VIRMA: variants seen among roughly 807,000 people sequenced by gnomAD.
VIRMA encodes the protein protein virilizer homolog.
VIRMA carries 65 observed loss-of-function variants against 182.4 expected under a neutral mutation model. The ratio of observed to expected loss-of-function variants is 0.36; its 90% CI spans 0.29 to 0.44. The LOEUF (loss-of-function observed/expected upper bound fraction) is 0.44. VIRMA is among the 20% of genes least tolerant of loss of function. The pLI, the probability that VIRMA is intolerant of heterozygous loss-of-function variation, is 1.00. For synonymous variants in VIRMA, 709 were observed against 743.1 expected (o/e 0.95, Z 0.75); for missense variants, 1,752 against 2,158.1 (o/e 0.81, Z 3.73).
intron 5 of VIRMA, among the ~76,000 whole-genome samples, chr8:94,532,592 C>G (rs1815206926): frequency 6.6e-6 from 1 of 152,164 alleles, no homozygotes; most frequent in African/African-American, 2.4e-5. Context: ...GATGTTATCA[C>G]TGGGGGAGGC....
chr8:94,518,785 A>G (rs1814650416), intron 9 of VIRMA, among the ~76,000 whole-genome samples, 200 bp downstream of exon 9: 1 of 152,238 alleles, frequency 6.6e-6, no homozygotes, highest in Non-Finnish European at 1.5e-5. Context: ...AAGGTGCTAA[A>G]GAGTCCACTG....
At chr8:94,530,496 CAAAAAAA>C (rs35685716) in intron 6 of VIRMA, among the ~76,000 whole-genome samples, 3 of 79,078 alleles carry the variant, frequency 3.8e-5, no homozygotes, top group Non-Finnish European at 2.9e-5. Context: ...AAACCTGTCT[CAAAAAAA>C]AAAAAAAGAA....
At position 94,496,409 on chromosome 8, in the gene VIRMA, A is replaced by G. The variant is rs754427802; in HGVS notation, c.4302T>C (p.Asn1434=). The G allele has an allele frequency of 1.9e-6, 3 of 1,613,512 alleles. No homozygotes were observed. The highest frequency in any genetic ancestry group is 2.2e-5 in the East Asian group (1 of 44,862). Residue 1434 remains asparagine, a synonymous_variant, in exon 18 of 24, where the codon AAT becomes AAC. Coordinates refer to ENST00000297591, the MANE Select transcript of VIRMA (RefSeq NM_015496.5). ...GTAGAAGCTGTTTTAACTCTGCAGCATTAATACTCATCGTCCGTGATGTAT... is the reference window on the plus strand; with the variant it reads ...GTAGAAGCTGTTTTAACTCTGCAGCGTTAATACTCATCGTCCGTGATGTAT... ...GAHTSRTMSI[N]AAELKQLLQS...
chr8:94,506,905 T>C (rs1343996968), intron 15 of VIRMA, among the ~76,000 whole-genome samples, 188 bp from the exon 16 acceptor site: 1 of 152,184 alleles, frequency 6.6e-6, no homozygotes, highest in Non-Finnish European at 1.5e-5. Flanking sequence ...AAAAAGTTAA[T>C]ACAAGGATAC....
chr8:94,494,968 A>G lies in VIRMA; in HGVS notation c.4545-12T>C. 2 of 1,542,948 alleles carry G rather than the reference A, an allele frequency of 1.3e-6. No individual in the cohort carries two copies. Among genetic ancestry groups the G allele is most frequent in the Non-Finnish European group, 1.8e-6 (2 of 1,120,456 alleles). ...GCACATAGGCAGTCCTGGAACAAGA[A>G]AAGTATCTGGTGAAAAGCAGAATTC... On this transcript the variant is annotated splice_polypyrimidine_tract_variant and intron_variant, in intron 19 of 23. Coordinates refer to ENST00000297591, the MANE Select transcript of VIRMA (RefSeq NM_015496.5).
intron 2 of VIRMA, among the ~76,000 whole-genome samples, chr8:94,541,280 C>A (rs1815544484): frequency 6.6e-6 from 1 of 151,890 alleles, no homozygotes; most frequent in African/African-American, 2.4e-5. Flanking sequence ...AGCCACCACG[C>A]CCAACTAATT....
chr8:94,509,071 G>A (rs1170588157), intron 15 of VIRMA, among the ~76,000 whole-genome samples: 1 of 152,118 alleles, frequency 6.6e-6, no homozygotes, highest in Non-Finnish European at 1.5e-5. Context: ...CCCAACAAGA[G>A]AACATATTAA....
At chr8:94,495,053 C>G (rs926448013) in intron 19 of VIRMA, 97 bp from the exon 20 acceptor site, 6 of 792,754 alleles carry the variant, frequency 7.6e-6, no homozygotes, top group African/African-American at 1.7e-5. Context: ...CCAGCTGGAG[C>G]GCAGTGGCAC....
intron 9 of VIRMA, among the ~76,000 whole-genome samples, chr8:94,518,536 T>C (rs1042424676): frequency 6.6e-6 from 1 of 152,244 alleles, no homozygotes. Flanking sequence ...TAAAACCCTC[T>C]GCCTTACCAA....
chr8:94,506,299 T>C (rs1814151379), intron 16 of VIRMA, among the ~76,000 whole-genome samples: 2 of 152,244 alleles, frequency 1.3e-5, no homozygotes, highest in African/African-American at 2.4e-5. Context: ...CTATTCATTT[T>C]ATATCTTTAA....
intron 2 of VIRMA, among the ~76,000 whole-genome samples, chr8:94,540,651 G>A (rs1234217188): frequency 1.3e-5 from 2 of 151,680 alleles, no homozygotes; most frequent in South Asian, 2.1e-4. Context: ...TAGTAGAGGC[G>A]GGGTTTCACT....
At chr8:94,540,466 T>TC (rs56366716) in intron 2 of VIRMA, among the ~76,000 whole-genome samples, 20,943 of 143,444 alleles carry the variant, frequency 0.15, 1,876 homozygotes, top group South Asian at 0.29. Flanking sequence ...CTTTTCTTTT[T>TC]TTTTTTTTTT....
At chr8:94,548,654 A>T (rs1308657458) in intron 1 of VIRMA, among the ~76,000 whole-genome samples, 2 of 144,478 alleles carry the variant, frequency 1.4e-5, no homozygotes, top group Non-Finnish European at 1.5e-5. Context: ...ATATTTTTTT[A>T]TTATTTATTT....
intron 8 of VIRMA, among the ~76,000 whole-genome samples, chr8:94,524,326 A>G (rs1423633126): frequency 1.4e-5 from 2 of 144,384 alleles, no homozygotes; most frequent in Non-Finnish European, 3.0e-5. Flanking sequence ...TTGTTTGGAG[A>G]CAGAGTCTCA....
chr8:94,546,621 T>C (rs1328268038), intron 1 of VIRMA, among the ~76,000 whole-genome samples: 3 of 151,018 alleles, frequency 2.0e-5, no homozygotes, highest in Non-Finnish European at 4.4e-5. Flanking sequence ...CATGGATAAG[T>C]TCTTTAACGG....
At position 94,526,510 on chromosome 8, in the gene VIRMA, T is replaced by C; in HGVS notation, c.1734A>G (p.Ser578=). 1 of 1,613,172 alleles carries C rather than the reference T, an allele frequency of 6.2e-7. No homozygotes were observed. Among genetic ancestry groups the C allele is most frequent in the Non-Finnish European group, 8.5e-7 (1 of 1,179,774 alleles). ...RLGDHLAEKT[S]SLPNHSEPDH... ...CAGGTTCACTGTGGTTAGGAAGAGA[T>C]GAAGTCTTCTCTGCTAAATGGTCAC... Residue 578 remains serine, a synonymous_variant, in exon 8 of 24, where the codon TCA becomes TCG. Transcript: ENST00000297591.
intron 6 of VIRMA, among the ~76,000 whole-genome samples, chr8:94,530,348 T>G (rs1815123802): frequency 6.6e-6 from 1 of 151,794 alleles, no homozygotes; most frequent in Non-Finnish European, 1.5e-5. Flanking sequence ...CTATAAAAAA[T>G]TAGCCAGGCG....
intron 15 of VIRMA, among the ~76,000 whole-genome samples, chr8:94,508,646 G>A (rs1484255431): frequency 6.6e-6 from 1 of 151,286 alleles, no homozygotes; most frequent in Non-Finnish European, 1.5e-5. Flanking sequence ...TGAGGTACAA[G>A]GACTTAGAAT....
chr8:94,504,850 G>C (rs991882115), intron 16 of VIRMA, among the ~76,000 whole-genome samples: 2 of 152,112 alleles, frequency 1.3e-5, no homozygotes, highest in African/African-American at 4.8e-5. Flanking sequence ...AGAGAGATAA[G>C]GGCTAAAAGG....
Sources: gnomAD v4.1 joint callset for allele counts (sites outside exome capture counted in the v4.1 genomes callset) on GRCh38, gnomAD v4.1.1 for gene constraint, MANE v1.5 for transcripts, NCBI Gene and HGNC (gene_info 2026-07-23, HGNC 2026-07-21) for gene names.